ANXA6: variants seen among roughly 807,000 people sequenced by gnomAD.
The protein encoded by ANXA6 is 67 kDa calelectrin.
A neutral mutation model predicts 95.4 loss-of-function variants in ANXA6; 71 were observed. That is an observed-to-expected ratio of 0.74 (90% CI 0.61 to 0.91). The LOEUF (loss-of-function observed/expected upper bound fraction) is 0.91. Ranked by LOEUF, ANXA6 falls within the 40% of genes least tolerant of loss-of-function variation. The probability of loss-of-function intolerance (pLI) is 0.00; values close to 1 mark genes in which losing one functional copy is unlikely to be tolerated. For missense variants in ANXA6, 830 were observed against 876.4 expected, an observed-to-expected ratio of 0.95 and a Z score of 0.67; for synonymous variants, 289 against 315.9, an observed-to-expected ratio of 0.91 and a Z score of 0.90.
chr5:151,153,505 T>C (rs940750852), intron 1 of ANXA6, among the ~76,000 whole-genome samples: 14 of 152,232 alleles, frequency 9.2e-5, no homozygotes, highest in African/African-American at 3.4e-4. Context: ...TTGATTTGAC[T>C]GGCTTTGGTC....
chr5:151,142,788 A>T (rs1032260009), intron 2 of ANXA6, among the ~76,000 whole-genome samples: 10 of 152,204 alleles, frequency 6.6e-5, no homozygotes, highest in Non-Finnish European at 1.5e-4. Context: ...CCTCCCTGGC[A>T]CTGGATCCCT....
At chr5:151,148,611 C>T (rs1044254361) in intron 1 of ANXA6, among the ~76,000 whole-genome samples, 7 of 152,312 alleles carry the variant, frequency 4.6e-5, no homozygotes, top group African/African-American at 1.7e-4. Context: ...TTCTGTTTCT[C>T]TAGAGCTTAT....
At chr5:151,130,445 G>C (rs1765463311) in intron 11 of ANXA6, among the ~76,000 whole-genome samples, 1 of 152,132 alleles carries the variant, frequency 6.6e-6, no homozygotes, top group Non-Finnish European at 1.5e-5. Context: ...GTAGAGACAA[G>C]GGTCTTACTA....
chr5:151,105,234 T>C lies in ANXA6; in HGVS notation c.1839+11A>G. 1.2e-6 allele frequency: 2 copies of C among 1,612,968 alleles called. No homozygotes were observed. The highest frequency in any genetic ancestry group is 2.7e-5 in the African/African-American group (2 of 75,004). On this transcript the variant is annotated intron_variant, in intron 24 of 25. Transcript: ENST00000354546. ...GCTTGAAGGGAAAGGAACGCCAGCATGTTTTCTTACCTTCATGGATTTGTA... is the reference window on the plus strand; with the variant it reads ...GCTTGAAGGGAAAGGAACGCCAGCACGTTTTCTTACCTTCATGGATTTGTA...
intron 7 of ANXA6, among the ~76,000 whole-genome samples, chr5:151,135,255 GC>G (rs933895223): frequency 2.6e-5 from 4 of 152,140 alleles, no homozygotes; most frequent in Non-Finnish European, 5.9e-5. Context: ...AATGTGTGCC[GC>G]GCTGCTGCTT....
intron 23 of ANXA6, among the ~76,000 whole-genome samples, 192 bp from the exon 24 acceptor site, chr5:151,105,495 G>T (rs546787640): frequency 6.6e-6 from 1 of 152,180 alleles, no homozygotes; most frequent in East Asian, 1.9e-4. Context: ...CCATCCTTAG[G>T]CCTGGCTCTC....
intron 25 of ANXA6, among the ~76,000 whole-genome samples, chr5:151,103,053 G>A (rs1275146652): frequency 6.6e-6 from 1 of 152,144 alleles, no homozygotes; most frequent in East Asian, 1.9e-4. Context: ...CTGGAGTGCA[G>A]TGGCGTGATC....
intron 8 of ANXA6, 60 bp from the exon 9 acceptor site, chr5:151,133,247 G>A (rs1255484545): frequency 1.6e-6 from 2 of 1,239,216 alleles, no homozygotes; most frequent in Non-Finnish European, 2.3e-6. Flanking sequence ...AGGACACACT[G>A]ACCAAGCCAC....
At chr5:151,111,954 A>AT (rs111874839) in intron 20 of ANXA6, among the ~76,000 whole-genome samples, 1,884 of 145,254 alleles carry the variant, frequency 0.013, 17 homozygotes, top group African/African-American at 0.034. Flanking sequence ...AGCCCAGTTA[A>AT]TTTTTTTTTT....
chr5:151,128,145 C>G (rs1206377537), intron 13 of ANXA6, 36 bp downstream of exon 13: 1 of 1,591,438 alleles, frequency 6.3e-7, no homozygotes, highest in African/African-American at 1.3e-5. Context: ...CACCCCAAGG[C>G]CATGCCCTCC....
intron 20 of ANXA6, among the ~76,000 whole-genome samples, chr5:151,113,862 A>G (rs1156675202): frequency 1.3e-5 from 2 of 152,376 alleles, no homozygotes; most frequent in East Asian, 3.9e-4. Context: ...AATAGCCAAA[A>G]GGTGGAAATA....
intron 2 of ANXA6, chr5:151,141,711 T>G (rs1371050015): frequency 1.0e-6 from 1 of 985,476 alleles, no homozygotes; most frequent in Non-Finnish European, 1.2e-6. Context: ...AGTTACTATT[T>G]AAAGTTCTGA....
chr5:151,145,917 G>A (rs1020397744), intron 2 of ANXA6, among the ~76,000 whole-genome samples: 1 of 152,088 alleles, frequency 6.6e-6, no homozygotes, highest in Non-Finnish European at 1.5e-5. Context: ...CCTCCCCTGA[G>A]TAGCTCTCCC....
Position 151,134,490 on chromosome 5 carries a change from A to G in ANXA6, c.490-7T>C, listed in dbSNP as rs1422498037. 2 of 1,613,836 alleles carry G rather than the reference A, an allele frequency of 1.2e-6. No individual in the cohort carries two copies. Among genetic ancestry groups the G allele is most frequent in the African/African-American group, 2.7e-5 (2 of 74,930 alleles). On this transcript the variant is annotated splice_region_variant and splice_polypyrimidine_tract_variant and intron_variant, in intron 7 of 25. Transcript: ENST00000354546. ...CATCCTCCTCCCTGGTTCCCTGGGCAGAAAGACAAAGAACATGTGTTTCAA... is the reference window on the plus strand; with the variant it reads ...CATCCTCCTCCCTGGTTCCCTGGGCGGAAAGACAAAGAACATGTGTTTCAA...
chr5:151,132,874 T>C (rs1429429215), intron 9 of ANXA6, among the ~76,000 whole-genome samples: 1 of 151,644 alleles, frequency 6.6e-6, no homozygotes, highest in Non-Finnish European at 1.5e-5. Context: ...CTGTCTGATA[T>C]TAGGTTGGTG....
chr5:151,136,440 A>G lies in ANXA6; in HGVS notation c.410-105T>C. ...ATGATCAGATATTTTTAAGAATTCCAAAACCCAGTCTACACGTCCATCATG... is the reference window on the plus strand; with the variant it reads ...ATGATCAGATATTTTTAAGAATTCCGAAACCCAGTCTACACGTCCATCATG... On this transcript the variant is annotated intron_variant, in intron 6 of 25. Transcript: ENST00000354546. 6.3e-6 allele frequency: 7 copies of G among 1,106,774 alleles called. No homozygotes were observed. The South Asian group carries it at 9.7e-5, about 15-fold the overall frequency. 68.6% of individuals were successfully genotyped at this position (1,106,774 alleles called of 1,614,324 possible).
At chr5:151,125,415 T>A (rs1228466770) in intron 14 of ANXA6, among the ~76,000 whole-genome samples, 2 of 151,340 alleles carry the variant, frequency 1.3e-5, no homozygotes, top group Middle Eastern at 6.9e-3. Context: ...GTTGATACCA[T>A]GTATCATAAA....
chr5:151,128,848 A>G (rs1054345191), intron 12 of ANXA6, among the ~76,000 whole-genome samples: 3 of 152,098 alleles, frequency 2.0e-5, no homozygotes, highest in Admixed American at 2.0e-4. Flanking sequence ...AACATTTTGC[A>G]CATAACACCT....
At chr5:151,122,042 A>G (rs771621275) in intron 17 of ANXA6, 105 bp downstream of exon 17, 1 of 633,860 alleles carries the variant, frequency 1.6e-6, no homozygotes, top group Non-Finnish European at 2.6e-6. Flanking sequence ...TGAGTATGGG[A>G]GGAGTTCTAC....
Sources: gnomAD v4.1 joint callset for allele counts (sites outside exome capture counted in the v4.1 genomes callset) on GRCh38, gnomAD v4.1.1 for gene constraint, MANE v1.5 for transcripts, NCBI Gene and HGNC (gene_info 2026-07-23, HGNC 2026-07-21) for gene names.